GRM3: variants seen among roughly 807,000 people sequenced by gnomAD.
GRM3 encodes the protein metabotropic glutamate receptor 3.
A neutral mutation model predicts 70.5 loss-of-function variants in GRM3; 26 were observed. The ratio of observed to expected loss-of-function variants is 0.37; its 90% CI spans 0.27 to 0.51. The LOEUF is 0.51. GRM3 is among the 20% of genes least tolerant of loss of function. The probability of loss-of-function intolerance (pLI) is 0.93; values close to 1 mark genes in which losing one functional copy is unlikely to be tolerated. For synonymous variants in GRM3, 443 were observed against 434.9 expected, an observed-to-expected ratio of 1.02 and a Z score of -0.23; for missense variants, 859 against 1,123.8, an observed-to-expected ratio of 0.76 and a Z score of 3.37.
intron 3 of GRM3, among the ~76,000 whole-genome samples, chr7:86,800,154 A>G (rs1797649216): frequency 6.6e-6 from 1 of 152,182 alleles, no homozygotes; most frequent in African/African-American, 2.4e-5. Flanking sequence ...TTTAAGAGGG[A>G]AATTTATAGC....
chr7:86,750,047 A>G (rs1796194573), intron 1 of GRM3, among the ~76,000 whole-genome samples: 1 of 152,072 alleles, frequency 6.6e-6, no homozygotes, highest in Non-Finnish European at 1.5e-5. Context: ...CAAGTTCAAA[A>G]AAAATTGGTT....
chr7:86,644,793 G>T lies in GRM3; in HGVS notation c.-220G>T. 1 of 1,289,606 alleles carries T rather than the reference G, an allele frequency of 7.8e-7. No homozygotes were observed. Among genetic ancestry groups the T allele is most frequent in the Non-Finnish European group, 1.0e-6 (1 of 988,664 alleles). 79.9% of individuals were successfully genotyped at this position (1,289,606 alleles called of 1,614,324 possible). On this transcript the variant is annotated 5_prime_UTR_variant, in exon 1 of 6. Transcript: ENST00000361669. ...GTCGGATGAGGAGGACCAACCATGA[G>T]CCAGAGCCCGGGTGCAGGCTCACCG...
chr7:86,734,728 A>ACACTTGT (rs1368036812), intron 1 of GRM3, among the ~76,000 whole-genome samples: 1 of 152,062 alleles, frequency 6.6e-6, no homozygotes, highest in African/African-American at 2.4e-5. Context: ...AACCCTTATT[A>ACACTTGT]CACTTGTCCT....
intron 1 of GRM3, among the ~76,000 whole-genome samples, chr7:86,682,609 G>A (rs1214609544): frequency 6.6e-6 from 1 of 152,156 alleles, no homozygotes; most frequent in Admixed American, 6.5e-5. Flanking sequence ...TTGCCATGAA[G>A]TAGAAAATCA....
rs1221145170 is a variant in GRM3 at position 86,644,440 on chromosome 7, G to A, written c.-573G>A. 9.0e-6 allele frequency: 3 copies of A among 334,104 alleles called. No individual in the cohort carries two copies. Among genetic ancestry groups the A allele is most frequent in the Non-Finnish European group, 1.8e-5 (3 of 170,532 alleles). 20.7% of individuals were successfully genotyped at this position (334,104 alleles called of 1,614,324 possible). ...GTCAAGGTGAAGGAAAGTTGCTTCC[G>A]CGCCTAGGAAGTGGGTTTGCCTGAT... On this transcript the variant is annotated 5_prime_UTR_variant, in exon 1 of 6. Transcript: ENST00000361669.
At chr7:86,739,040 C>T (rs1336004285) in intron 1 of GRM3, among the ~76,000 whole-genome samples, 2 of 152,164 alleles carry the variant, frequency 1.3e-5, no homozygotes, top group Non-Finnish European at 2.9e-5. Flanking sequence ...TGCAGTGGTG[C>T]CATCTTGGCT....
At chr7:86,755,771 G>A (rs886643195) in intron 1 of GRM3, among the ~76,000 whole-genome samples, 1 of 151,980 alleles carries the variant, frequency 6.6e-6, no homozygotes, top group African/African-American at 2.4e-5. Context: ...ATGCCTAAGG[G>A]GGTTTCCAGC....
At chr7:86,788,825 C>T (rs1446636028) in intron 3 of GRM3, among the ~76,000 whole-genome samples, 5 of 152,194 alleles carry the variant, frequency 3.3e-5, no homozygotes, top group Admixed American at 6.5e-5. Flanking sequence ...TTACTCACCA[C>T]ATATATTAAT....
At chr7:86,751,425 C>A (rs1030715073) in intron 1 of GRM3, among the ~76,000 whole-genome samples, 1 of 152,106 alleles carries the variant, frequency 6.6e-6, no homozygotes, top group African/African-American at 2.4e-5. Context: ...CTCCTTGTAT[C>A]TTTAGAACCT....
intron 1 of GRM3, among the ~76,000 whole-genome samples, chr7:86,662,680 G>C (rs76093381): frequency 6.6e-6 from 1 of 151,704 alleles, no homozygotes; most frequent in South Asian, 2.1e-4. Flanking sequence ...TCATGATATT[G>C]CCTGTAATAT....
chr7:86,809,688 A>G (rs1442331934), intron 3 of GRM3, among the ~76,000 whole-genome samples: 1 of 152,034 alleles, frequency 6.6e-6, no homozygotes, highest in African/African-American at 2.4e-5. Flanking sequence ...CATTGGGAAG[A>G]GTACAAAGGA....
At chr7:86,734,527 G>A (rs1211573355) in intron 1 of GRM3, among the ~76,000 whole-genome samples, 1 of 152,120 alleles carries the variant, frequency 6.6e-6, no homozygotes, top group African/African-American at 2.4e-5. Flanking sequence ...AGACATGTTA[G>A]GGTTACATAA....
intron 1 of GRM3, among the ~76,000 whole-genome samples, chr7:86,645,482 C>T (rs1245537488): frequency 6.6e-6 from 1 of 152,188 alleles, no homozygotes; most frequent in East Asian, 1.9e-4. Flanking sequence ...CATATCTTTT[C>T]ATCGACCCTG....
chr7:86,760,644 C>A (rs1404062242), intron 1 of GRM3, among the ~76,000 whole-genome samples: 1 of 151,678 alleles, frequency 6.6e-6, no homozygotes, highest in East Asian at 1.9e-4. Flanking sequence ...GTCTATTTTT[C>A]AATGTTACTT....
intron 1 of GRM3, among the ~76,000 whole-genome samples, chr7:86,676,700 A>G (rs1386305694): frequency 1.3e-5 from 2 of 151,958 alleles, no homozygotes; most frequent in African/African-American, 2.4e-5. Flanking sequence ...GTGAAAGAGT[A>G]GCAAAATTTG....
intron 1 of GRM3, among the ~76,000 whole-genome samples, chr7:86,660,186 A>G (rs1025753022): frequency 6.6e-6 from 1 of 152,082 alleles, no homozygotes; most frequent in African/African-American, 2.4e-5. Context: ...AAAGAATAGT[A>G]ATTTTGCTTC....
chr7:86,764,265 A>G (rs1796548450), intron 1 of GRM3, among the ~76,000 whole-genome samples: 1 of 152,148 alleles, frequency 6.6e-6, no homozygotes, highest in Non-Finnish European at 1.5e-5. Context: ...AAACAATGGA[A>G]TTTGAGATGT....
chr7:86,790,907 T>C (rs1403420479), intron 3 of GRM3, among the ~76,000 whole-genome samples: 2 of 151,984 alleles, frequency 1.3e-5, no homozygotes, highest in African/African-American at 4.8e-5. Context: ...TGTACCCTGC[T>C]CTACCTTTTG....
intron 4 of GRM3, among the ~76,000 whole-genome samples, chr7:86,842,302 T>C (rs1455354320): frequency 6.6e-6 from 1 of 152,210 alleles, no homozygotes; most frequent in Non-Finnish European, 1.5e-5. Context: ...AGTTAGAAAC[T>C]TGAGAAACTT....
Sources: gnomAD v4.1 joint callset for allele counts (sites outside exome capture counted in the v4.1 genomes callset) on GRCh38, gnomAD v4.1.1 for gene constraint, MANE v1.5 for transcripts, NCBI Gene and HGNC (gene_info 2026-07-23, HGNC 2026-07-21) for gene names.